HS6ST3: variants seen among roughly 807,000 people sequenced by gnomAD.
HS6ST3 encodes heparan sulfate 6-O-sulfotransferase 3.
In HS6ST3, 12 loss-of-function variants were observed where a neutral mutation model predicts 36.7. The observed-to-expected ratio is 0.33, with a 90% confidence interval of 0.21 to 0.53. HS6ST3 has a LOEUF of 0.53. Among genes scored for constraint, HS6ST3 ranks in the 20% least tolerant of loss-of-function variants. HS6ST3 has a pLI of 0.95. For missense variants in HS6ST3, 584 were observed against 640.9 expected, an observed-to-expected ratio of 0.91 and a Z score of 0.96; for synonymous variants, 240 against 257.5, an observed-to-expected ratio of 0.93 and a Z score of 0.65.
At chr13:96,726,292 G>A (rs1280760357) in intron 1 of HS6ST3, among the ~76,000 whole-genome samples, 1 of 152,108 alleles carries the variant, frequency 6.6e-6, no homozygotes, top group African/African-American at 2.4e-5. Context: ...GATTGGAATA[G>A]TATTAAATCT....
intron 1 of HS6ST3, among the ~76,000 whole-genome samples, chr13:96,214,896 AAG>A (rs2054416559): frequency 6.6e-6 from 1 of 152,176 alleles, no homozygotes; most frequent in South Asian, 2.1e-4. Context: ...TTCTGAGAAA[AAG>A]AGAGACGTGC....
intron 1 of HS6ST3, among the ~76,000 whole-genome samples, chr13:96,571,250 A>G (rs1170639189): frequency 6.6e-6 from 1 of 152,210 alleles, no homozygotes; most frequent in Non-Finnish European, 1.5e-5. Context: ...TGGTCTGTTC[A>G]TCGTAATCTG....
chr13:96,198,624 A>T (rs547310369), intron 1 of HS6ST3, among the ~76,000 whole-genome samples: 2 of 152,366 alleles, frequency 1.3e-5, no homozygotes, highest in South Asian at 4.1e-4. Context: ...AAATGCTGGC[A>T]GTCTCTTTGC....
intron 1 of HS6ST3, among the ~76,000 whole-genome samples, chr13:96,530,536 T>C (rs1464646567): frequency 1.3e-5 from 2 of 151,460 alleles, no homozygotes; most frequent in Non-Finnish European, 2.9e-5. Flanking sequence ...AGGTACTCAC[T>C]TTGTCGCCCA....
chr13:96,808,561 G>A lies in HS6ST3; in HGVS notation c.708-23929G>A, dbSNP rs114226494. Among the ~76,000 whole-genome samples the A allele has an allele frequency of 6.5e-3, 990 of 152,284 alleles. 14 individuals are homozygous for A. Among genetic ancestry groups the A allele is most frequent in the African/African-American group, 0.022 (903 of 41,564 alleles). On this transcript the variant is annotated intron_variant, in intron 1 of 1. Coordinates refer to ENST00000376705, the MANE Select transcript of HS6ST3 (RefSeq NM_153456.4). ...CTTTGGATAGACACGTGACTTGAAC[G>A]TAAAATAAGTCTTTGTTGTTTTTAG... is the stretch of plus-strand genomic sequence containing the variant.
chr13:96,417,993 A>G (rs2055543338), intron 1 of HS6ST3, among the ~76,000 whole-genome samples: 1 of 152,140 alleles, frequency 6.6e-6, no homozygotes, highest in South Asian at 2.1e-4. Context: ...TTGTCAATTC[A>G]TTAACACTGC....
intron 1 of HS6ST3, among the ~76,000 whole-genome samples, chr13:96,594,214 T>C (rs2056393699): frequency 6.6e-6 from 1 of 151,978 alleles, no homozygotes; most frequent in Non-Finnish European, 1.5e-5. Flanking sequence ...TCAGGTGATA[T>C]GCCGGCTTGG....
intron 1 of HS6ST3, among the ~76,000 whole-genome samples, chr13:96,257,863 A>C (rs767807442): frequency 2.0e-5 from 3 of 152,208 alleles, no homozygotes; most frequent in African/African-American, 4.8e-5. Context: ...TTTAAGATAG[A>C]AATCTTTGTG....
At chr13:96,273,478 T>A (rs1218451142) in intron 1 of HS6ST3, among the ~76,000 whole-genome samples, 7 of 151,918 alleles carry the variant, frequency 4.6e-5, no homozygotes, top group Non-Finnish European at 2.9e-5. Context: ...CTTTTGAGAC[T>A]AAGAGGAGGC....
At chr13:96,780,897 ACAG>A (rs983351700) in intron 1 of HS6ST3, among the ~76,000 whole-genome samples, 1 of 151,802 alleles carries the variant, frequency 6.6e-6, no homozygotes, top group Non-Finnish European at 1.5e-5. Flanking sequence ...GCCCAATCAA[ACAG>A]CAGCAGCAGC....
At chr13:96,312,986 A>G (rs2054949505) in intron 1 of HS6ST3, among the ~76,000 whole-genome samples, 1 of 149,070 alleles carries the variant, frequency 6.7e-6, no homozygotes, top group South Asian at 2.1e-4. Flanking sequence ...TGAAATTATT[A>G]CATTTTCTTA....
At chr13:96,700,662 T>C (rs1051948601) in intron 1 of HS6ST3, among the ~76,000 whole-genome samples, 15 of 152,114 alleles carry the variant, frequency 9.9e-5, no homozygotes, top group African/African-American at 3.6e-4. Flanking sequence ...ATAAGTTGAG[T>C]CCTTTGCTTG....
chr13:96,495,042 A>G (rs1203489045), intron 1 of HS6ST3, among the ~76,000 whole-genome samples: 2 of 152,098 alleles, frequency 1.3e-5, no homozygotes, highest in African/African-American at 4.8e-5. Context: ...GCCTTCCCAG[A>G]TGCTTTTCCT....
intron 1 of HS6ST3, among the ~76,000 whole-genome samples, chr13:96,176,017 C>T (rs376683618): frequency 1.2e-4 from 18 of 151,966 alleles, no homozygotes; most frequent in South Asian, 2.1e-4. Flanking sequence ...TTAGTAGAGA[C>T]GGGGTTTTAC....
At position 96,599,610 on chromosome 13, in the gene HS6ST3, AT is replaced by A. The variant is rs200639750; in HGVS notation, c.708-232872del. On this transcript the variant is annotated intron_variant, in intron 1 of 1. Coordinates refer to ENST00000376705, the MANE Select transcript of HS6ST3 (RefSeq NM_153456.4). ...ACTTTTTGTTTCATTGGTCCTTTGTATTTTTTTTGTTTCAATTTTGTTTACT... is the reference window on the plus strand; with the variant it reads ...ACTTTTTGTTTCATTGGTCCTTTGTATTTTTTTGTTTCAATTTTGTTTACT... 3.4e-5 allele frequency among the ~76,000 whole-genome samples: 5 copies of A among 147,980 alleles called. No homozygotes were observed. In the South Asian group the frequency reaches 6.4e-4, roughly 19 times the overall value.
At chr13:96,793,542 C>G (rs542893990) in intron 1 of HS6ST3, among the ~76,000 whole-genome samples, 3 of 152,054 alleles carry the variant, frequency 2.0e-5, no homozygotes, top group Non-Finnish European at 4.4e-5. Context: ...ACAGCCCAGC[C>G]TATTAGAGAA....
At chr13:96,577,606 A>G (rs1205255440) in intron 1 of HS6ST3, among the ~76,000 whole-genome samples, 1 of 152,234 alleles carries the variant, frequency 6.6e-6, no homozygotes, top group Non-Finnish European at 1.5e-5. Context: ...CATCTGACAA[A>G]GGGTTAATAT....
At chr13:96,330,197 T>C (rs2055057841) in intron 1 of HS6ST3, among the ~76,000 whole-genome samples, 1 of 147,958 alleles carries the variant, frequency 6.8e-6, no homozygotes, top group African/African-American at 2.5e-5. Context: ...AAGTTAATAT[T>C]GTTATGTGTG....
At chr13:96,639,452 G>A (rs1275580511) in intron 1 of HS6ST3, among the ~76,000 whole-genome samples, 1 of 151,440 alleles carries the variant, frequency 6.6e-6, no homozygotes, top group South Asian at 2.1e-4. Context: ...GCATGTAATG[G>A]GATTATATTT....
Sources: allele counts gnomAD v4.1 joint callset (sites outside exome capture counted in the v4.1 genomes callset), GRCh38; gene constraint gnomAD v4.1.1; transcripts MANE v1.5; gene names NCBI Gene and HGNC (gene_info 2026-07-23, HGNC 2026-07-21).